Variants in MBD5 observed in about 807,000 individuals in gnomAD.
The protein encoded by MBD5 is methyl-CpG binding domain protein 5.
In MBD5, 13 loss-of-function variants were observed where a neutral mutation model predicts 117.3. That is an observed-to-expected ratio of 0.11 (90% confidence interval 0.07 to 0.18). The LOEUF is 0.18. MBD5 is among the 10% of genes least tolerant of loss of function. MBD5 has a pLI of 1.00. For synonymous variants in MBD5, 727 were observed against 766.4 expected (o/e 0.95, Z 0.85); for missense variants, 1,879 against 2,093.8 (o/e 0.90, Z 2.00).
In MBD5 at chr2:148,485,788, T is replaced by A; in HGVS notation, c.3591T>A (p.Thr1197=). 2 of 1,614,026 alleles carry A rather than the reference T, an allele frequency of 1.2e-6. No homozygotes were observed. The highest frequency in any genetic ancestry group is 1.7e-6 in the Non-Finnish European group (2 of 1,179,926). Residue 1197 remains threonine, a synonymous_variant, in exon 10 of 14, where the codon ACT becomes ACA. Coordinates refer to ENST00000642680, the MANE Select transcript of MBD5 (RefSeq NM_001378120.1). ...INNTLSNHQL[T]HLQSLLNNNQ... is the part of the protein sequence containing the mutation. ...ATACTTTGAGTAACCATCAACTGACTCATCTACAGTCGCTGTTAAACAACA... is the reference window on the plus strand; with the variant it reads ...ATACTTTGAGTAACCATCAACTGACACATCTACAGTCGCTGTTAAACAACA...
intron 1 of MBD5, among the ~76,000 whole-genome samples, chr2:148,123,150 A>C (rs985865940): frequency 5.9e-5 from 9 of 152,248 alleles, no homozygotes; most frequent in Non-Finnish European, 1.2e-4. Flanking sequence ...GCACACAATG[A>C]GTACTTATTA....
intron 4 of MBD5, among the ~76,000 whole-genome samples, chr2:148,365,979 G>T (rs1273716646): frequency 6.6e-6 from 1 of 152,094 alleles, no homozygotes; most frequent in Non-Finnish European, 1.5e-5. Context: ...CATTTTATGA[G>T]GCCAGCATCA....
chr2:148,353,693 A>G (rs550996290), intron 4 of MBD5, among the ~76,000 whole-genome samples: 1 of 151,768 alleles, frequency 6.6e-6, no homozygotes, highest in Non-Finnish European at 1.5e-5. Context: ...TGATCCTCCC[A>G]CCTCAGCCTC....
intron 2 of MBD5, among the ~76,000 whole-genome samples, chr2:148,183,174 C>T (rs980613045): frequency 5.3e-5 from 8 of 151,932 alleles, no homozygotes; most frequent in Admixed American, 4.6e-4. Context: ...AAGAAATGAG[C>T]AATGATATGG....
chr2:148,100,725 C>A (rs990785580), intron 1 of MBD5, among the ~76,000 whole-genome samples: 1 of 152,186 alleles, frequency 6.6e-6, no homozygotes, highest in African/African-American at 2.4e-5. Flanking sequence ...ATCCCAAGAA[C>A]AAATATGTCA....
At chr2:148,346,174 A>G (rs1000340181) in intron 4 of MBD5, 3 of 151,450 alleles carry the variant, frequency 2.0e-5, no homozygotes, top group Non-Finnish European at 4.4e-5. Context: ...GCTCTGAAAA[A>G]TAAACTCTAT....
chr2:148,164,969 C>A (rs1698090311), intron 1 of MBD5, among the ~76,000 whole-genome samples: 1 of 152,116 alleles, frequency 6.6e-6, no homozygotes, highest in Non-Finnish European at 1.5e-5. Context: ...CAAAATATTT[C>A]TCAATCTATT....
At chr2:148,361,605 TTATC>T (rs1045645733) in intron 4 of MBD5, among the ~76,000 whole-genome samples, 1 of 152,208 alleles carries the variant, frequency 6.6e-6, no homozygotes, top group African/African-American at 2.4e-5. Flanking sequence ...AGGGCTCACA[TTATC>T]TATATAGTCA....
chr2:148,239,810 A>C (rs1700174319), intron 3 of MBD5, among the ~76,000 whole-genome samples: 1 of 151,870 alleles, frequency 6.6e-6, no homozygotes, highest in Non-Finnish European at 1.5e-5. Flanking sequence ...TGATCCTCCC[A>C]CATCAGCCTC....
At chr2:148,237,797 G>T (rs1219946447) in intron 3 of MBD5, among the ~76,000 whole-genome samples, 2 of 152,128 alleles carry the variant, frequency 1.3e-5, no homozygotes, top group African/African-American at 4.8e-5. Context: ...ACAAGAAAAT[G>T]AGGTATGCCT....
chr2:148,330,844 G>A (rs1366686908), intron 3 of MBD5, among the ~76,000 whole-genome samples: 1 of 152,166 alleles, frequency 6.6e-6, no homozygotes, highest in Admixed American at 6.5e-5. Flanking sequence ...CTATGTCTCA[G>A]GCATTTTGGT....
At chr2:148,377,070 A>T (rs1474812534) in intron 4 of MBD5, among the ~76,000 whole-genome samples, 1 of 151,098 alleles carries the variant, frequency 6.6e-6, no homozygotes, top group East Asian at 1.9e-4. Flanking sequence ...TTCTCTCCCT[A>T]TATATATAAA....
intron 3 of MBD5, among the ~76,000 whole-genome samples, chr2:148,250,530 G>T (rs1384758665): frequency 6.6e-6 from 1 of 152,178 alleles, no homozygotes; most frequent in Non-Finnish European, 1.5e-5. Context: ...GGGCTTTTCT[G>T]CTTTTGAAGA....
chr2:148,344,561 G>C (rs1427197984), intron 4 of MBD5, among the ~76,000 whole-genome samples: 1 of 151,798 alleles, frequency 6.6e-6, no homozygotes. Context: ...TCCCAGGTTT[G>C]TGAATGTGTG....
chr2:148,108,099 C>T (rs1271300839), intron 1 of MBD5, among the ~76,000 whole-genome samples: 1 of 151,382 alleles, frequency 6.6e-6, no homozygotes, highest in African/African-American at 2.4e-5. Flanking sequence ...AACTTCTGTA[C>T]AGCCAATTTT....
intron 1 of MBD5, among the ~76,000 whole-genome samples, chr2:148,047,972 G>C (rs1313946044): frequency 6.6e-6 from 1 of 152,178 alleles, no homozygotes; most frequent in African/African-American, 2.4e-5. Context: ...GAAGCCTCTA[G>C]TAAGATACTG....
chr2:148,134,427 G>A (rs949587259), intron 1 of MBD5, among the ~76,000 whole-genome samples: 2 of 152,048 alleles, frequency 1.3e-5, no homozygotes, highest in Admixed American at 6.5e-5. Flanking sequence ...TATTAAAGTG[G>A]ATTATATTTC....
At chr2:148,348,965 T>C (rs1170344330) in intron 4 of MBD5, among the ~76,000 whole-genome samples, 1 of 151,970 alleles carries the variant, frequency 6.6e-6, no homozygotes. Flanking sequence ...TTCGAACTAG[T>C]CAGGCTCAAC....
intron 1 of MBD5, among the ~76,000 whole-genome samples, chr2:148,146,602 T>A (rs1385093667): frequency 6.6e-6 from 1 of 152,146 alleles, no homozygotes; most frequent in Admixed American, 6.6e-5. Flanking sequence ...TTTATACTAT[T>A]TGAGTTTGTT....
Sources: gnomAD v4.1 joint callset for allele counts (sites outside exome capture counted in the v4.1 genomes callset) on GRCh38, gnomAD v4.1.1 for gene constraint, MANE v1.5 for transcripts, NCBI Gene and HGNC (gene_info 2026-07-23, HGNC 2026-07-21) for gene names.